Variants in FARS2 observed in about 807,000 individuals in gnomAD.
FARS2 encodes the protein phenylalanine--tRNA ligase, mitochondrial.
FARS2 carries 40 observed loss-of-function variants against 46.4 expected under a neutral mutation model. The ratio of observed to expected loss-of-function variants is 0.86; its 90% CI spans 0.67 to 1.12. FARS2 has a LOEUF of 1.12. FARS2 is among the 50% of genes most tolerant of loss of function. The pLI is 0.00. For missense variants in FARS2, 513 were observed against 567.9 expected (o/e 0.90, Z 0.98); for synonymous variants, 234 against 214.9 (o/e 1.09, Z -0.78).
chr6:5,296,930 G>A (rs575398166), intron 1 of FARS2, among the ~76,000 whole-genome samples: 3 of 152,248 alleles, frequency 2.0e-5, no homozygotes, highest in African/African-American at 4.8e-5. Flanking sequence ...GTTCTTCTGG[G>A]TACAGACCCA....
chr6:5,592,997 T>C (rs1433520422), intron 5 of FARS2, among the ~76,000 whole-genome samples: 1 of 152,214 alleles, frequency 6.6e-6, no homozygotes, highest in Non-Finnish European at 1.5e-5. Flanking sequence ...CTTCTCTCTC[T>C]GCCTCATCTC....
chr6:5,717,937 C>CAGAG (rs60099425), intron 6 of FARS2, among the ~76,000 whole-genome samples: 1 of 136,918 alleles, frequency 7.3e-6, no homozygotes, highest in Non-Finnish European at 1.5e-5. Context: ...TATATATATA[C>CAGAG]AGAGTCTCAC....
intron 6 of FARS2, among the ~76,000 whole-genome samples, chr6:5,615,038 TTC>T (rs1775399802): frequency 5.3e-5 from 8 of 152,222 alleles, no homozygotes; most frequent in Admixed American, 2.6e-4. Context: ...TTTTAAAGGA[TTC>T]CTTCTTTATC....
chr6:5,260,377 T>C (rs900934114), upstream of FARS2, among the ~76,000 whole-genome samples: 7 of 152,198 alleles, frequency 4.6e-5, no homozygotes, highest in Non-Finnish European at 8.8e-5. Context: ...CTAATCATGC[T>C]CCTAGAATAA....
intron 1 of FARS2, among the ~76,000 whole-genome samples, chr6:5,296,948 A>T (rs941495031): frequency 6.6e-6 from 1 of 152,160 alleles, no homozygotes; most frequent in Non-Finnish European, 1.5e-5. Flanking sequence ...CCAAACGTGG[A>T]ATTGCTTGAT....
At chr6:5,375,243 A>G (rs1759303325) in intron 2 of FARS2, among the ~76,000 whole-genome samples, 2 of 152,136 alleles carry the variant, frequency 1.3e-5, no homozygotes, top group Admixed American at 6.5e-5. Flanking sequence ...CAGGGACAAT[A>G]TAGAAAAATT....
chr6:5,302,729 T>TG (rs1294708708), intron 1 of FARS2, among the ~76,000 whole-genome samples: 1 of 152,094 alleles, frequency 6.6e-6, no homozygotes, highest in Non-Finnish European at 1.5e-5. Context: ...CCTGACTGTG[T>TG]GGGGGGCTAT....
At chr6:5,589,098 C>T (rs1007389186) in intron 5 of FARS2, among the ~76,000 whole-genome samples, 2 of 152,186 alleles carry the variant, frequency 1.3e-5, no homozygotes, top group Non-Finnish European at 1.5e-5. Context: ...CAAGGAACTG[C>T]ATCTCTGATA....
At chr6:5,260,598 T>TGCCCCGGCCCCCGGCCCCCCCCCCCCCCC, upstream of FARS2, 1 of 1,105,566 alleles carries the variant, frequency 9.0e-7, no homozygotes, top group Non-Finnish European at 1.3e-6. Context: ...GCACCCCCGG[T>TGCCCCGGCCCCCGGCCCCCCCCCCCCCCC]CCCCGGCCCC....
intron 3 of FARS2, among the ~76,000 whole-genome samples, chr6:5,422,937 C>G (rs1250744347): frequency 6.6e-6 from 1 of 152,190 alleles, no homozygotes; most frequent in Non-Finnish European, 1.5e-5. Flanking sequence ...TGAATTGTCA[C>G]AGAAACTCTG....
intron 6 of FARS2, among the ~76,000 whole-genome samples, chr6:5,741,994 C>T (rs925252841): frequency 6.6e-6 from 1 of 152,330 alleles, no homozygotes; most frequent in East Asian, 1.9e-4. Flanking sequence ...TCAACAGGCT[C>T]CTGGGATATT....
chr6:5,392,222 G>T (rs956175593), intron 2 of FARS2, among the ~76,000 whole-genome samples: 3 of 152,050 alleles, frequency 2.0e-5, no homozygotes, highest in Non-Finnish European at 2.9e-5. Context: ...ATATGGCATT[G>T]GTTAATGGAC....
At chr6:5,424,589 A>C (rs770188827) in intron 3 of FARS2, among the ~76,000 whole-genome samples, 1 of 152,174 alleles carries the variant, frequency 6.6e-6, no homozygotes, top group Non-Finnish European at 1.5e-5. Flanking sequence ...AAATAGAAAC[A>C]GATATTTGTA....
intron 6 of FARS2, among the ~76,000 whole-genome samples, chr6:5,649,215 A>G (rs1426619514): frequency 2.0e-5 from 3 of 152,202 alleles, no homozygotes; most frequent in Non-Finnish European, 2.9e-5. Flanking sequence ...TGTTCTGTGC[A>G]TATATCTCTC....
intron 4 of FARS2, among the ~76,000 whole-genome samples, chr6:5,438,297 T>C (rs187077477): frequency 1.5e-5 from 2 of 131,620 alleles, no homozygotes; most frequent in Non-Finnish European, 3.1e-5. Flanking sequence ...TATGTCTAGG[T>C]ATGGTTTTCT....
chr6:5,761,652 A>C (rs1762481030), intron 6 of FARS2, among the ~76,000 whole-genome samples: 1 of 152,180 alleles, frequency 6.6e-6, no homozygotes, highest in African/African-American at 2.4e-5. Context: ...CAAATTTTCC[A>C]CACAAACGAA....
At chr6:5,406,997 G>A (rs1761639360) in intron 3 of FARS2, among the ~76,000 whole-genome samples, 1 of 135,736 alleles carries the variant, frequency 7.4e-6, no homozygotes, top group South Asian at 2.4e-4. Flanking sequence ...TAAACAAACA[G>A]AAATTGCAAC....
intron 4 of FARS2, among the ~76,000 whole-genome samples, chr6:5,469,158 T>C (rs933113922): frequency 1.6e-4 from 25 of 152,258 alleles, no homozygotes; most frequent in African/African-American, 5.8e-4. Context: ...CGACTGTTTC[T>C]TGGGACCACT....
rs115180517 is a variant in FARS2, at chr6:5,330,354, C to T, written c.-21-38196C>T. Reference sequence around the variant, plus strand: ...CTTTGAACATCTCTGAGACCTACTTCGCCATGTAGGTGTAGCGTATGCTGC... The same window carrying T: ...CTTTGAACATCTCTGAGACCTACTTTGCCATGTAGGTGTAGCGTATGCTGC... On this transcript the variant is annotated intron_variant, in intron 1 of 6. Transcript: ENST00000274680. Among the ~76,000 whole-genome samples the T allele has an allele frequency of 2.3e-3, 355 of 152,254 alleles. 1 individual carries two copies. Among genetic ancestry groups the T allele is most frequent in the African/African-American group, 8.1e-3 (335 of 41,548 alleles).
Sources: allele counts gnomAD v4.1 joint callset (sites outside exome capture counted in the v4.1 genomes callset), GRCh38; gene constraint gnomAD v4.1.1; transcripts MANE v1.5; gene names NCBI Gene and HGNC (gene_info 2026-07-23, HGNC 2026-07-21).